SPATC1: variants seen among roughly 807,000 people sequenced by gnomAD.
SPATC1 encodes the protein speriolin.
SPATC1 carries 35 observed loss-of-function variants against 36.5 expected under a neutral mutation model. The observed-to-expected ratio is 0.96, with a 90% CI of 0.73 to 1.27. The LOEUF (loss-of-function observed/expected upper bound fraction) is 1.27. SPATC1 is among the 50% of genes most tolerant of loss of function. SPATC1 has a pLI of 0.00. For missense variants in SPATC1, 779 were observed against 796.0 expected, an observed-to-expected ratio of 0.98 and a Z score of 0.26; for synonymous variants, 361 against 353.6, an observed-to-expected ratio of 1.02 and a Z score of -0.24.
At chr8:144,042,311 A>ATATATATATATATT (rs1412021347) in intron 4 of SPATC1, among the ~76,000 whole-genome samples, 1 of 23,882 alleles carries the variant, frequency 4.2e-5, no homozygotes, top group African/African-American at 2.4e-4. Context: ...ATATATATAT[A>ATATATATATATATT]TTTTTTTTTT....
chr8:144,041,084 G>A lies in SPATC1; in HGVS notation c.1283G>A (p.Ser428Asn), dbSNP rs1390319349. ...VERKLAHRKT[S>N]KFPENPRESK... is the part of the protein sequence containing the mutation. ...CGGAAGCTGGCCCACCGCAAGACCAGCAAGTTCCCCGAGAACCCCCGAGGT... is the reference window on the plus strand; with the variant it reads ...CGGAAGCTGGCCCACCGCAAGACCAACAAGTTCCCCGAGAACCCCCGAGGT... The change falls in exon 3 of 5, where the codon AGC becomes AAC. Residue 428 changes from serine to asparagine, a missense_variant. Coordinates refer to ENST00000377470, the MANE Select transcript of SPATC1 (RefSeq NM_198572.3). The A allele has an allele frequency of 6.3e-7, 1 of 1,586,782 alleles. No homozygotes were observed. The highest frequency in any genetic ancestry group is 8.6e-7 in the Non-Finnish European group (1 of 1,164,594).
In SPATC1 at chr8:144,039,901, G is replaced by T; in HGVS notation, c.212-8G>T. The T allele has an allele frequency of 6.2e-7, 1 of 1,609,406 alleles. No individual in the cohort carries two copies. Among genetic ancestry groups the T allele is most frequent in the Non-Finnish European group, 8.5e-7 (1 of 1,177,120 alleles). On this transcript the variant is annotated splice_region_variant and splice_polypyrimidine_tract_variant and intron_variant, in intron 1 of 4. Coordinates refer to ENST00000377470, the MANE Select transcript of SPATC1 (RefSeq NM_198572.3). ...CCTGGGGTCTCAGTGCTTTCTCTGT[G>T]TTCCCAGGTGTCTTCCTGCCCCCGT...
At chr8:144,013,004 C>A (rs1053001755) in intron 1 of SPATC1, among the ~76,000 whole-genome samples, 1 of 152,134 alleles carries the variant, frequency 6.6e-6, no homozygotes, top group African/African-American at 2.4e-5. Flanking sequence ...GCCCTCCTTA[C>A]CTGGCCCTCT....
chr8:144,027,002 T>TC (rs1367789990), intron 1 of SPATC1, among the ~76,000 whole-genome samples: 2 of 146,782 alleles, frequency 1.4e-5, no homozygotes, highest in African/African-American at 5.0e-5. Context: ...TTTTTTTTTT[T>TC]TTTGGATTTT....
At chr8:144,042,311 A>ATATATTTTTTTTTTT (rs1412021347) in intron 4 of SPATC1, among the ~76,000 whole-genome samples, 1 of 23,884 alleles carries the variant, frequency 4.2e-5, no homozygotes, top group Non-Finnish European at 6.3e-5. Context: ...ATATATATAT[A>ATATATTTTTTTTTTT]TTTTTTTTTT....
chr8:144,046,820 G>GC lies in SPATC1; in HGVS notation c.1644dup (p.Tyr549LeufsTer36), dbSNP rs1564284109. ...CCGGAGCTGGCGGCGTCTGAGGGCGGCCCCTACACCGTGGACTTCCTGCAG... is the reference window on the plus strand; with the variant it reads ...CCGGAGCTGGCGGCGTCTGAGGGCGGCCCCCTACACCGTGGACTTCCTGCAG... On this transcript the variant is annotated frameshift_variant, in exon 5 of 5. Transcript: ENST00000377470. LOFTEE classifies it high-confidence loss of function. This position sits in a 1 kb window ranked among gnomAD's most constrained non-coding sequence, Gnocchi z 6.6. 1 of 1,604,564 alleles carries GC rather than the reference G, an allele frequency of 6.2e-7. No homozygotes were observed. The highest frequency in any genetic ancestry group is 8.5e-7 in the Non-Finnish European group (1 of 1,179,902).
chr8:144,040,876 C>T lies in SPATC1; in HGVS notation c.1075C>T (p.Gln359Ter). The change falls in exon 3 of 5, where the codon CAG (glutamine) becomes TAG (stop). Residue 359 changes from glutamine to a stop codon, truncating the protein, a stop_gained. Transcript: ENST00000377470. LOFTEE classifies it high-confidence loss of function. The part of the protein sequence containing the change: ...YTPSSTTHIA[Q>*]GAPHPPSRMH... ...ACCCTCAAGCACCACCCACATCGCC[C>T]AGGGTGCCCCCCATCCCCCTTCCCG... is the stretch of plus-strand genomic sequence containing the variant. The T allele has an allele frequency of 6.3e-7, 1 of 1,588,152 alleles. No individual in the cohort carries two copies. Among genetic ancestry groups the T allele is most frequent in the Non-Finnish European group, 8.6e-7 (1 of 1,165,836 alleles).
chr8:144,032,172 T>TA (rs1432775616), intron 1 of SPATC1, among the ~76,000 whole-genome samples: 2 of 152,244 alleles, frequency 1.3e-5, no homozygotes, highest in African/African-American at 2.4e-5. Context: ...TGAAACTGGA[T>TA]AATCTCCATG....
At chr8:144,024,375 C>T (rs1254421331) in intron 1 of SPATC1, among the ~76,000 whole-genome samples, 7 of 131,942 alleles carry the variant, frequency 5.3e-5, no homozygotes, top group African/African-American at 1.1e-4. Context: ...CCAAAGGACC[C>T]CCTTCCCTCA....
chr8:144,015,170 G>C (rs1432516155), intron 1 of SPATC1, among the ~76,000 whole-genome samples: 1 of 151,404 alleles, frequency 6.6e-6, no homozygotes, highest in Non-Finnish European at 1.5e-5. Flanking sequence ...CTCCTGAGTA[G>C]CTGGGATTAC....
chr8:144,041,082 C>T lies in SPATC1; in HGVS notation c.1281C>T (p.Thr427=). Residue 427 remains threonine, a synonymous_variant, in exon 3 of 5, where the codon ACC becomes ACT. Transcript: ENST00000377470. ...AACGGAAGCTGGCCCACCGCAAGAC[C>T]AGCAAGTTCCCCGAGAACCCCCGAG... ...EVERKLAHRK[T]SKFPENPRES... is the part of the protein sequence containing the mutation. 6.3e-7 allele frequency: 1 copy of T among 1,587,482 alleles called. No individual in the cohort carries two copies. The highest frequency in any genetic ancestry group is 8.6e-7 in the Non-Finnish European group (1 of 1,164,872).
chr8:144,033,399 C>CAA (rs1316362492), intron 1 of SPATC1, among the ~76,000 whole-genome samples: 1 of 125,792 alleles, frequency 7.9e-6, no homozygotes, highest in Non-Finnish European at 1.7e-5. Context: ...GACTCCGTCT[C>CAA]AAAAAAAAAA....
At chr8:144,041,637 A>T (rs548214572) in intron 4 of SPATC1, among the ~76,000 whole-genome samples, 65 of 152,112 alleles carry the variant, frequency 4.3e-4, no homozygotes, top group Admixed American at 7.2e-4. Flanking sequence ...TCCTCTGTGG[A>T]CGCACTTGGA....
In SPATC1 at chr8:144,046,303, G is replaced by A. The variant is rs1406769947; in HGVS notation, c.1447-324G>A. On this transcript the variant is annotated intron_variant, in intron 4 of 4. Coordinates refer to ENST00000377470, the MANE Select transcript of SPATC1 (RefSeq NM_198572.3). The surrounding 1 kb of genome is among the most constrained non-coding windows in gnomAD (Gnocchi z 6.6). The stretch of plus-strand genomic sequence containing the variant: ...CCACGCCCCCTGCCCTCAGTCCCTG[G>A]AGGCCTCAGCCCAGTTGCACTCCCT... 1.3e-5 allele frequency among the ~76,000 whole-genome samples: 2 copies of A among 152,128 alleles called. No individual in the cohort carries two copies. The highest frequency in any genetic ancestry group is 2.9e-5 in the Non-Finnish European group (2 of 68,000).
intron 1 of SPATC1, among the ~76,000 whole-genome samples, chr8:144,019,041 CAAAAAAAA>C (rs1212175839): frequency 1.8e-5 from 1 of 56,370 alleles, no homozygotes; most frequent in Admixed American, 1.9e-4. Flanking sequence ...GACTCCGTCT[CAAAAAAAA>C]AAAAAAAAAA....
rs782264055 is a variant in SPATC1 at position 144,041,058 on chromosome 8, A to G, written c.1257A>G (p.Glu419=). Reference sequence around the variant, plus strand: ...CGACGAAGAGCATGATGGAGGTGGAACGGAAGCTGGCCCACCGCAAGACCA... The same window carrying G: ...CGACGAAGAGCATGATGGAGGTGGAGCGGAAGCTGGCCCACCGCAAGACCA... ...EPSTKSMMEV[E]RKLAHRKTSK... The change falls in exon 3 of 5, where the codon GAA becomes GAG. Residue 419 remains glutamate (E), a synonymous_variant. Transcript: ENST00000377470. 1.2e-6 allele frequency: 2 copies of G among 1,602,478 alleles called. No individual in the cohort carries two copies. Among genetic ancestry groups the G allele is most frequent in the Admixed American group, 1.7e-5 (1 of 58,514 alleles).
Position 144,040,605 on chromosome 8 carries a change from C to G in SPATC1, c.804C>G (p.Asp268Glu). Residue 268 changes from aspartate to glutamate, a missense_variant, in exon 3 of 5, where the codon GAC becomes GAG. Asp to Glu is a conservative substitution (Grantham distance 45, BLOSUM62 2). Transcript: ENST00000377470. ...CTGAGCCCCCCCAGTCGACCCAGGA[C>G]CCAGAGCCTCTCAGCATGGCGTTTG... ...LSTEPPQSTQ[D>E]PEPLSMAFAG... is the part of the protein sequence containing the mutation. 6.2e-7 allele frequency: 1 copy of G among 1,609,584 alleles called. No individual in the cohort carries two copies. Among genetic ancestry groups the G allele is most frequent in the Non-Finnish European group, 8.5e-7 (1 of 1,177,650 alleles).
chr8:144,020,856 C>G (rs1169479377), intron 1 of SPATC1, among the ~76,000 whole-genome samples: 1 of 134,600 alleles, frequency 7.4e-6, no homozygotes, highest in Non-Finnish European at 1.6e-5. Flanking sequence ...AAGACCCTCT[C>G]CCCTCAAAAC....
intron 1 of SPATC1, 92 bp from the exon 2 acceptor site, chr8:144,039,817 C>A: frequency 1.5e-6 from 2 of 1,360,596 alleles, no homozygotes; most frequent in Non-Finnish European, 1.0e-6. Context: ...GCACTATGGC[C>A]AGGCCCTACC....
Sources: gnomAD v4.1 joint callset for allele counts (sites outside exome capture counted in the v4.1 genomes callset) on GRCh38, gnomAD v4.1.1 for gene constraint, Gnocchi (gnomAD v3.1) non-coding constraint, MANE v1.5 for transcripts, NCBI Gene and HGNC (gene_info 2026-07-23, HGNC 2026-07-21) for gene names.